IGSF10: variants seen among roughly 807,000 people sequenced by gnomAD.
The protein encoded by IGSF10 is immunoglobulin superfamily member 10.
In IGSF10, 126 loss-of-function variants were observed where a neutral mutation model predicts 128.2. The observed-to-expected ratio is 0.98, with a 90% CI of 0.85 to 1.14. IGSF10 has a LOEUF of 1.14. Ranked by LOEUF, IGSF10 falls within the 50% of genes most tolerant of loss-of-function variation. The pLI is 0.00. For synonymous variants in IGSF10, 1,185 were observed against 1,146.2 expected, an observed-to-expected ratio of 1.03 and a Z score of -0.68; for missense variants, 3,295 against 3,149.8, an observed-to-expected ratio of 1.05 and a Z score of -1.10.
chr3:151,552,207 ATGC>A, the IGSF10 span, among the ~76,000 whole-genome samples: 1 of 152,036 alleles, frequency 6.6e-6, no homozygotes, highest in East Asian at 1.9e-4. Context: ...TACTTCCCCT[ATGC>A]CTTCCACTGT....
the IGSF10 span, among the ~76,000 whole-genome samples, chr3:151,561,036 A>G: frequency 1.3e-5 from 2 of 152,198 alleles, no homozygotes; most frequent in Non-Finnish European, 2.9e-5. Flanking sequence ...GAGCCAACAT[A>G]TTTCAGAGAG....
At chr3:151,543,098 A>G in the IGSF10 span, among the ~76,000 whole-genome samples, 1 of 152,218 alleles carries the variant, frequency 6.6e-6, no homozygotes, top group Non-Finnish European at 1.5e-5. Flanking sequence ...TGGTTTAATT[A>G]AGGCTAAATT....
At position 151,437,396 on chromosome 3, in the gene IGSF10, GA is replaced by G. The variant is rs1225827086; in HGVS notation, c.7164del (p.Leu2389Ter). The G allele has an allele frequency of 6.2e-7, 1 of 1,614,184 alleles. No homozygotes were observed. Among genetic ancestry groups the G allele is most frequent in the South Asian group, 1.1e-5 (1 of 91,076 alleles). On this transcript the variant is annotated frameshift_variant, in exon 8 of 8. Coordinates refer to ENST00000282466, the MANE Select transcript of IGSF10 (RefSeq NM_178822.5). LOFTEE classifies it low-confidence loss of function (END_TRUNC). Reference protein sequence around the residue: ...RFSNGPQSYQYLIASNGSFII... With the variant: ...RFSNGPQSYQXLIASNGSFII... ...ATAAAAGAACCATTGCTTGCTATCA[GA>G]TACTGATAACTTTGTGGTCCATTGG... is the stretch of plus-strand genomic sequence containing the variant.
Position 151,448,284 on chromosome 3 carries a change from A to G in IGSF10, c.1697T>C (p.Ile566Thr). ...YDDADILTYR[I>T]TVVEPLVEAY... ...TTCGACCAAAGGTTCTACCACAGTT[A>G]TCCTATAGGTGAGAATATCTGCATC... The change falls in exon 6 of 8, where the codon ATA becomes ACA. Residue 566 changes from isoleucine (I) to threonine (T), a missense_variant. Coordinates refer to ENST00000282466, the MANE Select transcript of IGSF10 (RefSeq NM_178822.5). 1.2e-6 allele frequency: 2 copies of G among 1,614,254 alleles called. No individual in the cohort carries two copies. Among genetic ancestry groups the G allele is most frequent in the East Asian group, 4.5e-5 (2 of 44,890 alleles).
chr3:151,514,808 G>A, the IGSF10 span, among the ~76,000 whole-genome samples: 2 of 152,068 alleles, frequency 1.3e-5, no homozygotes, highest in African/African-American at 4.8e-5. Flanking sequence ...GTGGGCAAAG[G>A]ATATGAACAG....
At chr3:151,497,470 C>A in the IGSF10 span, among the ~76,000 whole-genome samples, 4 of 152,170 alleles carry the variant, frequency 2.6e-5, no homozygotes, top group East Asian at 3.9e-4. Context: ...AGGTTGGTCA[C>A]AGATCAGATA....
At chr3:151,607,838 G>A in the IGSF10 span, among the ~76,000 whole-genome samples, 2 of 150,732 alleles carry the variant, frequency 1.3e-5, no homozygotes, top group African/African-American at 2.4e-5. Context: ...GTGAACCTGG[G>A]AGGCAGATCT....
At chr3:151,603,267 C>T in the IGSF10 span, among the ~76,000 whole-genome samples, 18 of 152,306 alleles carry the variant, frequency 1.2e-4, no homozygotes, top group African/African-American at 3.6e-4. Flanking sequence ...TGATCTTAAG[C>T]AAGTGACTCA....
rs1720483787 is a variant in IGSF10, at chr3:151,437,748, G to T, written c.6813C>A (p.Val2271=). The change falls in exon 8 of 8, where the codon GTC becomes GTA. Residue 2271 remains valine (V), a synonymous_variant. Transcript: ENST00000282466. ...AAATATTGTCTGGCATGATCCACAT[G>T]ACTTCAGGAGATGGTGTCCCTTCAG... is the stretch of plus-strand genomic sequence containing the variant. The part of the protein sequence containing the change: ...CRAEGTPSPE[V]MWIMPDNIFL... 4 of 1,613,852 alleles carry T rather than the reference G, an allele frequency of 2.5e-6. No homozygotes were observed. The highest frequency in any genetic ancestry group is 1.7e-5 in the Admixed American group (1 of 59,996).
chr3:151,433,349 A>G (rs1338965584), downstream of IGSF10: 3 of 152,662 alleles, frequency 2.0e-5, no homozygotes, highest in African/African-American at 7.2e-5. Flanking sequence ...TCTCATAAGC[A>G]CTTTATAAAC....
chr3:151,509,319 G>A, the IGSF10 span, among the ~76,000 whole-genome samples: 1 of 152,158 alleles, frequency 6.6e-6, no homozygotes, highest in Non-Finnish European at 1.5e-5. Context: ...ATGAACTCCA[G>A]TCTCAGTCAA....
In IGSF10 at chr3:151,437,209, G is replaced by A. The variant is rs1330665325; in HGVS notation, c.7352C>T (p.Ser2451Leu). ...TVKGISGESL[S>L]LHCVSDGIPK... ...GATTCCATCAGACACACAATGCAGTGATAGAGATTCTCCACTGATGCCTTT... is the reference window on the plus strand; with the variant it reads ...GATTCCATCAGACACACAATGCAGTAATAGAGATTCTCCACTGATGCCTTT... Residue 2451 changes from serine to leucine, a missense_variant, in exon 8 of 8, where the codon TCA becomes TTA. By Grantham distance (145) the Ser-to-Leu change is moderately radical (BLOSUM62 -2). Transcript: ENST00000282466. The A allele has an allele frequency of 6.2e-7, 1 of 1,614,182 alleles. No individual in the cohort carries two copies. The highest frequency in any genetic ancestry group is 1.7e-5 in the Admixed American group (1 of 60,024).
At position 151,438,548 on chromosome 3, in the gene IGSF10, A is replaced by C; in HGVS notation, c.6013T>G (p.Ser2005Ala). The C allele has an allele frequency of 1.9e-6, 3 of 1,613,790 alleles. No individual in the cohort carries two copies. The highest frequency in any genetic ancestry group is 2.5e-6 in the Non-Finnish European group (3 of 1,180,010). ...ACACCACTGTCTTTTTCTGTTACTG[A>C]TCCAATAAACAGGGATCCATTAGGG... ...VYPNGSLFIG[S>A]VTEKDSGVYL... is the part of the protein sequence containing the mutation. The change falls in exon 8 of 8, where the codon TCA (serine) becomes GCA (alanine). Residue 2005 changes from serine (S) to alanine (A), a missense_variant. By Grantham distance (99) the Ser-to-Ala change is moderately conservative (BLOSUM62 1). Coordinates refer to ENST00000282466, the MANE Select transcript of IGSF10 (RefSeq NM_178822.5).
At chr3:151,576,844 ACT>A in the IGSF10 span, among the ~76,000 whole-genome samples, 1 of 152,144 alleles carries the variant, frequency 6.6e-6, no homozygotes, top group African/African-American at 2.4e-5. Context: ...TTCCCAGAAA[ACT>A]CATGAATAAT....
At chr3:151,462,071 G>A (rs1420773796), upstream of IGSF10, among the ~76,000 whole-genome samples, 4 of 151,894 alleles carry the variant, frequency 2.6e-5, no homozygotes, top group Non-Finnish European at 5.9e-5. Context: ...AGGCAGAGAT[G>A]CCTCCAGAAT....
chr3:151,619,497 G>A, the IGSF10 span, among the ~76,000 whole-genome samples: 1 of 150,066 alleles, frequency 6.7e-6, no homozygotes, highest in Non-Finnish European at 1.5e-5. Flanking sequence ...ACAAATTTGT[G>A]GTAATAGACC....
the IGSF10 span, among the ~76,000 whole-genome samples, chr3:151,595,995 T>C: frequency 6.6e-6 from 1 of 152,078 alleles, no homozygotes; most frequent in South Asian, 2.1e-4. Context: ...GGTAGCTATT[T>C]GAGATGATGG....
At chr3:151,572,192 G>T in the IGSF10 span, among the ~76,000 whole-genome samples, 3 of 152,016 alleles carry the variant, frequency 2.0e-5, no homozygotes, top group African/African-American at 7.2e-5. Flanking sequence ...TTTTTTTGTT[G>T]TGCCTCTGCC....
chr3:151,547,427 T>TACAC, the IGSF10 span, among the ~76,000 whole-genome samples: 8,016 of 140,560 alleles, frequency 0.057, 251 homozygotes, highest in Admixed American at 0.074. Context: ...TAAATATATA[T>TACAC]ATACACACAC....
Sources: gnomAD v4.1 joint callset for allele counts (sites outside exome capture counted in the v4.1 genomes callset) on GRCh38, gnomAD v4.1.1 for gene constraint, MANE v1.5 for transcripts, NCBI Gene and HGNC (gene_info 2026-07-23, HGNC 2026-07-21) for gene names.